The following SLC29A1 variants were observed in gnomAD, a reference collection of about 807,000 sequenced individuals.
SLC29A1 encodes solute carrier family 29 member 1 (Augustine blood group).
SLC29A1 carries 22 observed loss-of-function variants against 48.3 expected under a neutral mutation model. The observed-to-expected ratio is 0.46, with a 90% confidence interval of 0.33 to 0.65. The LOEUF is 0.65. Among genes scored for constraint, SLC29A1 ranks in the 30% least tolerant of loss-of-function variants. SLC29A1 has a pLI of 0.03. For synonymous variants in SLC29A1, 228 were observed against 231.0 expected, an observed-to-expected ratio of 0.99 and a Z score of 0.12; for missense variants, 491 against 575.3, an observed-to-expected ratio of 0.85 and a Z score of 1.50.
chr6:44,220,489 G>A (rs1776226921), upstream of SLC29A1, among the ~76,000 whole-genome samples: 2 of 151,616 alleles, frequency 1.3e-5, no homozygotes, highest in African/African-American at 4.8e-5. Context: ...TGGCATCATG[G>A]AGTCTTGATT....
In SLC29A1 at chr6:44,223,606, G is replaced by C; in HGVS notation, c.-87G>C. On this transcript the variant is annotated 5_prime_UTR_variant, in exon 1 of 13. Coordinates refer to ENST00000371755, the MANE Select transcript of SLC29A1 (RefSeq NM_001372327.1). This position sits in a 1 kb window ranked among gnomAD's most constrained non-coding sequence, Gnocchi z 5.0. ...GAGAGGGAAGCTGCAGCGAGAGCGC[G>C]CGGATCTCAGCGCGGGAGCAGTGCT... 8.2e-7 allele frequency: 1 copy of C among 1,216,050 alleles called. No homozygotes were observed. Among genetic ancestry groups the C allele is most frequent in the Non-Finnish European group, 1.0e-6 (1 of 952,954 alleles). The allele number at this position is 1,216,050 out of a possible 1,614,324, so 75.3% of individuals were successfully genotyped here.
upstream of SLC29A1, chr6:44,219,652 G>A (rs1163647103): frequency 8.0e-7 from 1 of 1,254,090 alleles, no homozygotes; most frequent in African/African-American, 1.6e-5. Context: ...GTCAGGCCCG[G>A]CGCGGGCTGC....
At chr6:44,226,331 TC>T (rs1296751983) in intron 1 of SLC29A1, among the ~76,000 whole-genome samples, 5 of 152,060 alleles carry the variant, frequency 3.3e-5, no homozygotes, top group African/African-American at 4.8e-5. Context: ...CCAGGGGGTC[TC>T]CCCCTACACA....
rs1778573652 is a variant in SLC29A1 at position 44,230,492 on chromosome 6, C to T, written c.589+11C>T. Reference sequence around the variant, plus strand: ...TCTGCGCTATTGCCAGTAAGTCCGGCTATCTACCTGCCCAGTGCCCTGGTG... The same window carrying T: ...TCTGCGCTATTGCCAGTAAGTCCGGTTATCTACCTGCCCAGTGCCCTGGTG... On this transcript the variant is annotated intron_variant, in intron 6 of 12. Coordinates refer to ENST00000371755, the MANE Select transcript of SLC29A1 (RefSeq NM_001372327.1). 1.9e-6 allele frequency: 3 copies of T among 1,613,738 alleles called. No homozygotes were observed. In the East Asian group the frequency reaches 6.7e-5, roughly 36 times the overall value.
At chr6:44,230,107 T>C (rs1236699095) in intron 5 of SLC29A1, 61 bp downstream of exon 5, 1 of 1,592,058 alleles carries the variant, frequency 6.3e-7, no homozygotes, top group African/African-American at 1.3e-5. Flanking sequence ...CCACTCTTTT[T>C]TCAGACCCAG....
At chr6:44,220,271 G>A (rs1035752172), upstream of SLC29A1, among the ~76,000 whole-genome samples, 3 of 151,698 alleles carry the variant, frequency 2.0e-5, no homozygotes, top group Non-Finnish European at 4.4e-5. Flanking sequence ...TCGACCTCAT[G>A]GACTCAAGCC....
intron 1 of SLC29A1, chr6:44,226,149 T>C (rs1777479986): frequency 6.1e-6 from 6 of 984,178 alleles, no homozygotes; most frequent in Non-Finnish European, 7.2e-6. Flanking sequence ...ACCCTTCTGC[T>C]GGCCAGTCTG....
chr6:44,220,948 T>A (rs1776345399), upstream of SLC29A1, among the ~76,000 whole-genome samples: 1 of 152,220 alleles, frequency 6.6e-6, no homozygotes, highest in African/African-American at 2.4e-5. Flanking sequence ...GGCAGGATGA[T>A]GGCTCACTGA....
upstream of SLC29A1, among the ~76,000 whole-genome samples, chr6:44,220,838 A>AT (rs1776328320): frequency 1.3e-5 from 2 of 151,146 alleles, no homozygotes; most frequent in Admixed American, 1.3e-4. Flanking sequence ...GAAAAGAAAA[A>AT]AAAAAACAAA....
upstream of SLC29A1, among the ~76,000 whole-genome samples, chr6:44,220,225 T>C (rs1338446645): frequency 6.6e-6 from 1 of 151,954 alleles, no homozygotes. Context: ...TTGTTCAGGC[T>C]GGAGGGCAGT....
chr6:44,230,309 C>A lies in SLC29A1; in HGVS notation c.455-38C>A, dbSNP rs201693659. 7.0e-4 allele frequency: 1,117 copies of A among 1,594,722 alleles called. 4 individuals carry two copies. Among genetic ancestry groups the A allele is most frequent in the Admixed American group, 7.0e-4 (41 of 58,772 alleles). On this transcript the variant is annotated intron_variant, in intron 5 of 12. Coordinates refer to ENST00000371755, the MANE Select transcript of SLC29A1 (RefSeq NM_001372327.1). ...CTTCTTGGGCACCCCCAACCACCAG[C>A]CCTAGCTCCCCTGCTCATGCCCGCC...
upstream of SLC29A1, chr6:44,223,504 G>A (rs946913593): frequency 1.5e-5 from 16 of 1,039,596 alleles, no homozygotes; most frequent in African/African-American, 2.8e-4. The surrounding 1 kb of genome is among the most constrained non-coding windows in gnomAD (Gnocchi z 5.0). Flanking sequence ...GGGCGGGGCC[G>A]CGGGCGTCGG....
rs1778244984 is a variant in SLC29A1 at position 44,229,125 on chromosome 6, C to G, written c.30-265C>G. 6.6e-6 allele frequency among the ~76,000 whole-genome samples: 1 copy of G among 152,196 alleles called. No homozygotes were observed. Among genetic ancestry groups the G allele is most frequent in the Non-Finnish European group, 1.5e-5 (1 of 68,034 alleles). On this transcript the variant is annotated intron_variant, in intron 2 of 12. Coordinates refer to ENST00000371755, the MANE Select transcript of SLC29A1 (RefSeq NM_001372327.1). This position sits in a 1 kb window ranked among gnomAD's most constrained non-coding sequence, Gnocchi z 5.1. ...TCCCAGCCTGCAGAGTCCCCCGAGC[C>G]TTCCAGGGCTGATAACCATGGTCCT...
chr6:44,229,192 C>T lies in SLC29A1; in HGVS notation c.30-198C>T, dbSNP rs746540270. Among the ~76,000 whole-genome samples, 15 of 152,194 alleles carry T rather than the reference C, an allele frequency of 9.9e-5. No homozygotes were observed. The highest frequency in any genetic ancestry group is 5.2e-4 in the Admixed American group (8 of 15,288). ...AGTCCTATGACCCTGACCCCATCCC[C>T]ACCCCAAATTCCAACGAGCAATGTA... is the stretch of plus-strand genomic sequence containing the variant. On this transcript the variant is annotated intron_variant, in intron 2 of 12. Transcript: ENST00000371755. This position sits in a 1 kb window ranked among gnomAD's most constrained non-coding sequence, Gnocchi z 5.1.
At chr6:44,231,104 G>A (rs796577399) in intron 8 of SLC29A1, among the ~76,000 whole-genome samples, 10 of 152,300 alleles carry the variant, frequency 6.6e-5, no homozygotes, top group African/African-American at 2.4e-4. Flanking sequence ...TGCCTGAGGT[G>A]TTTGGACTAA....
chr6:44,231,675 C>T (rs531043315), intron 9 of SLC29A1, among the ~76,000 whole-genome samples: 4 of 152,216 alleles, frequency 2.6e-5, no homozygotes, highest in South Asian at 4.2e-4. Flanking sequence ...GTTGCCCAGG[C>T]TGGAGTGCAA....
rs1778261876 is a variant in SLC29A1 at position 44,229,187 on chromosome 6, A to G, written c.30-203A>G. On this transcript the variant is annotated intron_variant, in intron 2 of 12. Coordinates refer to ENST00000371755, the MANE Select transcript of SLC29A1 (RefSeq NM_001372327.1). The surrounding 1 kb of genome is among the most constrained non-coding windows in gnomAD (Gnocchi z 5.1). ...CATTCAGTCCTATGACCCTGACCCC[A>G]TCCCCACCCCAAATTCCAACGAGCA... Among the ~76,000 whole-genome samples the G allele has an allele frequency of 6.6e-6, 1 of 152,070 alleles. No individual in the cohort carries two copies. Among genetic ancestry groups the G allele is most frequent in the African/African-American group, 2.4e-5 (1 of 41,408 alleles).
Position 44,233,568 on chromosome 6 carries a change from C to G in SLC29A1, c.*40C>G. 3.4e-6 allele frequency: 5 copies of G among 1,489,140 alleles called. No individual in the cohort carries two copies. The highest frequency in any genetic ancestry group is 1.9e-6 in the Non-Finnish European group (2 of 1,066,134). The allele number at this position is 1,489,140 out of a possible 1,614,324, so 92.2% of individuals were successfully genotyped here. Reference sequence around the variant, plus strand: ...AAGGACTGCCTGCCTCCCTCCCTGTCTGCCTCCTGCCCCTTCCTTCTGCCA... The same window carrying G: ...AAGGACTGCCTGCCTCCCTCCCTGTGTGCCTCCTGCCCCTTCCTTCTGCCA... On this transcript the variant is annotated 3_prime_UTR_variant, in exon 13 of 13. Coordinates refer to ENST00000371755, the MANE Select transcript of SLC29A1 (RefSeq NM_001372327.1).
chr6:44,229,908 A>G lies in SLC29A1; in HGVS notation c.316A>G (p.Ile106Val), dbSNP rs144217091. 3 of 1,612,816 alleles carry G rather than the reference A, an allele frequency of 1.9e-6. No individual in the cohort carries two copies. Among genetic ancestry groups the G allele is most frequent in the African/African-American group, 2.7e-5 (2 of 74,804 alleles). ...GCCACCCTTGGCCTCTCCCGGCAGG[A>G]TCCCCCAGTCCGTACGGATCCTGGG... Reference protein sequence around the residue: ...TYLNSFLHQRIPQSVRILGSL... With the variant: ...TYLNSFLHQRVPQSVRILGSL... Residue 106 changes from isoleucine (I) to valine (V), a missense_variant and splice_region_variant, in exon 5 of 13, where the codon ATC (isoleucine) becomes GTC (valine). By Grantham distance (29) the Ile-to-Val change is conservative. Coordinates refer to ENST00000371755, the MANE Select transcript of SLC29A1 (RefSeq NM_001372327.1). This position sits in a 1 kb window ranked among gnomAD's most constrained non-coding sequence, Gnocchi z 5.1.
Sources: gnomAD v4.1 joint callset for allele counts (sites outside exome capture counted in the v4.1 genomes callset) on GRCh38, gnomAD v4.1.1 for gene constraint, Gnocchi (gnomAD v3.1) non-coding constraint, MANE v1.5 for transcripts, NCBI Gene and HGNC (gene_info 2026-07-23, HGNC 2026-07-21) for gene names.